ABCC4: variants seen among roughly 807,000 people sequenced by gnomAD.
ABCC4 encodes the protein ATP-binding cassette sub-family C member 4.
Under a neutral mutation model 168.5 loss-of-function variants are expected in ABCC4, and 102 were observed. That is an observed-to-expected ratio of 0.61 (90% CI 0.52 to 0.71). The LOEUF is 0.71. Among genes scored for constraint, ABCC4 ranks in the 30% least tolerant of loss-of-function variants. The probability of loss-of-function intolerance (pLI) is 0.00; values close to 1 mark genes in which losing one functional copy is unlikely to be tolerated. For missense variants in ABCC4, 1,402 were observed against 1,605.8 expected (o/e 0.87, Z 2.17); for synonymous variants, 617 against 590.7 (o/e 1.04, Z -0.65).
chr13:95,151,449 T>A, intron 19 of ABCC4, among the ~76,000 whole-genome samples: 1 of 135,168 alleles, frequency 7.4e-6, no homozygotes, highest in Non-Finnish European at 1.5e-5. Context: ...CACTCCAGCC[T>A]AGGCAACAGA....
intron 15 of ABCC4, 115 bp from the exon 16 acceptor site, chr13:95,164,633 C>T (rs952849554): frequency 7.2e-6 from 8 of 1,103,576 alleles, no homozygotes; most frequent in Non-Finnish European, 7.8e-6. Flanking sequence ...CAAAATGATC[C>T]ATCTCCTGTG....
chr13:95,274,851 C>T (rs1004444630), intron 1 of ABCC4, among the ~76,000 whole-genome samples: 2 of 152,090 alleles, frequency 1.3e-5, no homozygotes, highest in Admixed American at 6.6e-5. Flanking sequence ...CCGAGGCAGG[C>T]GGATCACTTG....
intron 8 of ABCC4, among the ~76,000 whole-genome samples, chr13:95,199,240 C>T (rs933674748): frequency 6.6e-6 from 1 of 152,168 alleles, no homozygotes; most frequent in Non-Finnish European, 1.5e-5. Flanking sequence ...CACTTAGTTC[C>T]GATCAGTATA....
At chr13:95,211,351 T>C (rs1678401) in intron 4 of ABCC4, among the ~76,000 whole-genome samples, 248 of 152,294 alleles carry the variant, frequency 1.6e-3, no homozygotes, top group African/African-American at 5.8e-3. Flanking sequence ...GGGCTAGGTA[T>C]GTCCAGACAC....
At chr13:95,277,150 T>A (rs898479265) in intron 1 of ABCC4, among the ~76,000 whole-genome samples, 1 of 152,062 alleles carries the variant, frequency 6.6e-6, no homozygotes, top group Non-Finnish European at 1.5e-5. Context: ...TCAAATTAAC[T>A]CTTAAGCACC....
chr13:95,286,167 T>C (rs933780724), intron 1 of ABCC4, among the ~76,000 whole-genome samples: 1 of 140,316 alleles, frequency 7.1e-6, no homozygotes, highest in African/African-American at 2.6e-5. Context: ...TCACCCAGGC[T>C]GGAGTGCAGT....
At position 95,073,269 on chromosome 13, in the gene ABCC4, A is replaced by G. The variant is rs1169560444; in HGVS notation, c.2953T>C (p.Tyr985His). The change falls in exon 24 of 31, where the codon TAT becomes CAT. Residue 985 changes from tyrosine (Y) to histidine (H), a missense_variant. By Grantham distance (83) the Tyr-to-His change is moderately conservative. Coordinates refer to ENST00000645237, the MANE Select transcript of ABCC4 (RefSeq NM_005845.5). ...AACATCCCCATGAGCGTGAGGGCAT[A>G]GGACAGTGCCAAACCAACCTGCCCG... ...DAGQVGLALSYALTLMGMFQW... is the reference protein window; with the variant it reads ...DAGQVGLALSHALTLMGMFQW... 7 of 1,613,826 alleles carry G rather than the reference A, an allele frequency of 4.3e-6. No homozygotes were observed. In the South Asian group the frequency reaches 7.7e-5, roughly 18 times the overall value.
At chr13:95,110,457 A>G (rs965446197) in intron 20 of ABCC4, among the ~76,000 whole-genome samples, 6 of 152,170 alleles carry the variant, frequency 3.9e-5, no homozygotes, top group Non-Finnish European at 8.8e-5. Flanking sequence ...ACAAAACACC[A>G]TATCTCCCCA....
At chr13:95,187,475 C>T (rs1389267197) in intron 10 of ABCC4, among the ~76,000 whole-genome samples, 7 of 152,016 alleles carry the variant, frequency 4.6e-5, no homozygotes, top group South Asian at 2.1e-4. Context: ...CATGGTGGCA[C>T]GCCTGTAATC....
At chr13:95,167,224 G>GC (rs1566484163) in intron 14 of ABCC4, among the ~76,000 whole-genome samples, 1 of 142,430 alleles carries the variant, frequency 7.0e-6, no homozygotes, top group Non-Finnish European at 1.5e-5. Context: ...ATAAATAATT[G>GC]CCCCAAAGAC....
intron 19 of ABCC4, among the ~76,000 whole-genome samples, chr13:95,159,884 C>T (rs1352751920): frequency 6.6e-6 from 1 of 152,198 alleles, no homozygotes; most frequent in Non-Finnish European, 1.5e-5. Flanking sequence ...GTAATTTCCA[C>T]CCCACAGTGA....
chr13:95,061,380 TC>T (rs11343244), intron 26 of ABCC4, among the ~76,000 whole-genome samples: 2,656 of 152,278 alleles, frequency 0.017, 90 homozygotes, highest in African/African-American at 0.059. Flanking sequence ...TAAGCGTGAT[TC>T]CAATTGTTTT....
At chr13:95,060,719 A>G (rs529526289) in intron 26 of ABCC4, among the ~76,000 whole-genome samples, 2 of 152,344 alleles carry the variant, frequency 1.3e-5, no homozygotes, top group East Asian at 3.9e-4. Flanking sequence ...TCTTTAAACT[A>G]AAAATAAAAA....
At chr13:95,093,556 G>C (rs2034501487) in intron 20 of ABCC4, among the ~76,000 whole-genome samples, 1 of 152,054 alleles carries the variant, frequency 6.6e-6, no homozygotes, top group Non-Finnish European at 1.5e-5. Context: ...TGTAATAAAA[G>C]CCATCTATGA....
chr13:95,244,669 G>GAAATAAATAAAT lies in ABCC4; in HGVS notation c.306+2305_306+2306insATTTATTTATTT, dbSNP rs751318994. On this transcript the variant is annotated intron_variant, in intron 3 of 30. Coordinates refer to ENST00000645237, the MANE Select transcript of ABCC4 (RefSeq NM_005845.5). Reference sequence around the variant, plus strand: ...AGAAAGAAAGAAAGAAAGAAAGAAAGAAATCATAGCAGTTCCTGGTACATA... The same window carrying GAAATAAATAAAT: ...AGAAAGAAAGAAAGAAAGAAAGAAAGAAATAAATAAATAAATCATAGCAGTTCCTGGTACATA... Among the ~76,000 whole-genome samples, 9 of 68,028 alleles carry GAAATAAATAAAT rather than the reference G, an allele frequency of 1.3e-4. 3 individuals are homozygous for GAAATAAATAAAT. The highest frequency in any genetic ancestry group is 5.6e-3 in the Middle Eastern group (1 of 178). The allele number at this position is 68,028 out of a possible 152,430, so 44.6% of individuals were successfully genotyped here.
intron 1 of ABCC4, among the ~76,000 whole-genome samples, chr13:95,272,739 T>A (rs1348575790): frequency 6.6e-6 from 1 of 151,610 alleles, no homozygotes; most frequent in Non-Finnish European, 1.5e-5. Context: ...AATCCAAAAA[T>A]TAGCCAGGTG....
At chr13:95,023,931 G>A (rs2031241344) in intron 30 of ABCC4, among the ~76,000 whole-genome samples, 4 of 152,164 alleles carry the variant, frequency 2.6e-5, no homozygotes, top group Admixed American at 2.0e-4. Context: ...CTCAGGCTGG[G>A]CGTGGTGGCT....
At chr13:95,259,347 T>A (rs1483097424) in intron 1 of ABCC4, among the ~76,000 whole-genome samples, 1 of 144,018 alleles carries the variant, frequency 6.9e-6, no homozygotes, top group African/African-American at 2.6e-5. Context: ...GCCATTGTAC[T>A]CCAGCCTGGG....
chr13:95,208,444 C>T (rs1262912289), intron 6 of ABCC4, among the ~76,000 whole-genome samples: 1 of 151,324 alleles, frequency 6.6e-6, no homozygotes, highest in Non-Finnish European at 1.5e-5. Flanking sequence ...GTAGAAAATA[C>T]ACCATAAGCA....
Sources: allele counts gnomAD v4.1 joint callset (sites outside exome capture counted in the v4.1 genomes callset), GRCh38; gene constraint gnomAD v4.1.1; transcripts MANE v1.5; gene names NCBI Gene and HGNC (gene_info 2026-07-23, HGNC 2026-07-21).